The following EIF2AK3 variants were observed in gnomAD, a reference collection of about 807,000 sequenced individuals.
The protein encoded by EIF2AK3 is eukaryotic translation initiation factor 2 alpha kinase 3, also known as eukaryotic translation initiation factor 2-alpha kinase 3.
A neutral mutation model predicts 113.5 loss-of-function variants in EIF2AK3; 50 were observed. The observed-to-expected ratio is 0.44, with a 90% confidence interval of 0.35 to 0.56. EIF2AK3 has a LOEUF of 0.56. Among genes scored for constraint, EIF2AK3 ranks in the 20% least tolerant of loss-of-function variants. EIF2AK3 has a pLI of 0.00. For synonymous variants in EIF2AK3, 448 were observed against 495.4 expected (o/e 0.90, Z 1.27); for missense variants, 1,185 against 1,378.0 (o/e 0.86, Z 2.22).
chr2:88,610,593 T>C lies in EIF2AK3; in HGVS notation c.438+3131A>G, dbSNP rs1232370736. ...GCAATATATTTAAGGCAGACGCGGA[T>C]ACAACTGTTTTCTATTAAACCAAAA... On this transcript the variant is annotated intron_variant, in intron 2 of 16. Coordinates refer to ENST00000303236, the MANE Select transcript of EIF2AK3 (RefSeq NM_004836.7). Among the ~76,000 whole-genome samples, 13 of 152,366 alleles carry C rather than the reference T, an allele frequency of 8.5e-5. No individual in the cohort carries two copies. In the South Asian group the frequency reaches 1.9e-3, roughly 22 times the overall value.
intron 7 of EIF2AK3, among the ~76,000 whole-genome samples, chr2:88,588,459 A>ATATAT (rs771957384): frequency 2.2e-4 from 33 of 152,310 alleles, no homozygotes; most frequent in Non-Finnish European, 3.7e-4. Flanking sequence ...CAGTCTTAAT[A>ATATAT]TAAGTATGTT....
chr2:88,587,204 C>CAAAAAAAAAAAAAA (rs780050125), intron 8 of EIF2AK3, among the ~76,000 whole-genome samples: 2 of 30,262 alleles, frequency 6.6e-5, no homozygotes, highest in African/African-American at 1.8e-4. Flanking sequence ...AACTCCATCT[C>CAAAAAAAAAAAAAA]AAAAAAAAAA....
intron 1 of EIF2AK3, among the ~76,000 whole-genome samples, chr2:88,621,419 T>C (rs2103982074): frequency 6.6e-6 from 1 of 152,368 alleles, no homozygotes; most frequent in South Asian, 2.1e-4. Context: ...GAACATTGTA[T>C]GGATTAAATA....
At chr2:88,568,665 G>C (rs1339838085) in intron 14 of EIF2AK3, among the ~76,000 whole-genome samples, 1 of 152,124 alleles carries the variant, frequency 6.6e-6, no homozygotes, top group Non-Finnish European at 1.5e-5. Flanking sequence ...TAAAACGACA[G>C]TATGTACCCC....
chr2:88,582,137 A>G (rs1558651309), intron 10 of EIF2AK3, among the ~76,000 whole-genome samples: 3 of 152,122 alleles, frequency 2.0e-5, no homozygotes, highest in Admixed American at 6.6e-5. Flanking sequence ...AAGGGAGAGG[A>G]ACACTTCCAC....
intron 1 of EIF2AK3, among the ~76,000 whole-genome samples, chr2:88,617,687 G>A (rs1675619119): frequency 6.6e-6 from 1 of 151,166 alleles, no homozygotes; most frequent in South Asian, 2.1e-4. Context: ...AACCCAGGAG[G>A]CAGAGGTTGC....
chr2:88,568,185 A>G (rs1163835703), intron 14 of EIF2AK3, among the ~76,000 whole-genome samples: 1 of 152,208 alleles, frequency 6.6e-6, no homozygotes, highest in African/African-American at 2.4e-5. Flanking sequence ...GGCAGTTCCT[A>G]TTACTGGTCT....
chr2:88,566,784 C>G (rs1410307793), intron 14 of EIF2AK3, among the ~76,000 whole-genome samples: 1 of 151,868 alleles, frequency 6.6e-6, no homozygotes, highest in Non-Finnish European at 1.5e-5. Flanking sequence ...CTCATCTCCA[C>G]AAAAAACAAA....
intron 2 of EIF2AK3, among the ~76,000 whole-genome samples, chr2:88,598,173 T>A (rs1380518117): frequency 6.6e-6 from 1 of 151,974 alleles, no homozygotes; most frequent in Non-Finnish European, 1.5e-5. Context: ...AGCAAACAGA[T>A]AAAATAAATA....
chr2:88,583,887 T>C (rs1162644112), intron 9 of EIF2AK3, among the ~76,000 whole-genome samples: 1 of 146,426 alleles, frequency 6.8e-6, no homozygotes, highest in African/African-American at 2.7e-5. Context: ...CAAAATAAGG[T>C]AGGGAAAAAA....
At position 88,575,373 on chromosome 2, in the gene EIF2AK3, C is replaced by A. The variant is rs1805165; in HGVS notation, c.2110G>T (p.Ala704Ser). Reference protein sequence around the residue: ...SVKIRRMDPFATKEHIEIIAP... With the variant: ...SVKIRRMDPFSTKEHIEIIAP... Reference sequence around the variant, plus strand: ...ATGATTTCAATATGTTCTTTTGTAGCGAAAGGATCCATTCTGCGTATTTTA... The same window carrying A: ...ATGATTTCAATATGTTCTTTTGTAGAGAAAGGATCCATTCTGCGTATTTTA... The change falls in exon 13 of 17, where the codon GCT (alanine) becomes TCT (serine). Residue 704 changes from alanine to serine, a missense_variant. Physicochemically the swap from Ala to Ser is moderately conservative, Grantham distance 99. Around this residue, in one of 3 missense-constraint regions of EIF2AK3, gnomAD observed 877 missense variants for 1,024.2 expected, o/e 0.86. Transcript: ENST00000303236. 0.72 allele frequency: 1,160,817 copies of A among 1,613,760 alleles called. 421,807 individuals are homozygous for A. The highest frequency in any genetic ancestry group is 0.95 in the African/African-American group (71,144 of 75,018).
intron 2 of EIF2AK3, among the ~76,000 whole-genome samples, chr2:88,611,646 T>C (rs978541408): frequency 5.3e-5 from 8 of 152,286 alleles, no homozygotes; most frequent in African/African-American, 1.7e-4. Context: ...TTGTTGTTGT[T>C]TGAGATGGGA....
At position 88,557,823 on chromosome 2, in the gene EIF2AK3, G is replaced by A; in HGVS notation, c.3264C>T (p.Leu1088=). The change falls in exon 17 of 17, where the codon CTC becomes CTT. Residue 1088 remains leucine, a synonymous_variant. Coordinates refer to ENST00000303236, the MANE Select transcript of EIF2AK3 (RefSeq NM_004836.7). ...EDLDFPGKTV[L]RQRSRSLSSS... ...AACTCAAGGAGCGAGACCTCTGTCTGAGCACTGTTTTTCCTGGAAAGTCCA... is the reference window on the plus strand; with the variant it reads ...AACTCAAGGAGCGAGACCTCTGTCTAAGCACTGTTTTTCCTGGAAAGTCCA... 1 of 1,614,126 alleles carries A rather than the reference G, an allele frequency of 6.2e-7. No individual in the cohort carries two copies. The highest frequency in any genetic ancestry group is 8.5e-7 in the Non-Finnish European group (1 of 1,180,004).
In EIF2AK3 at chr2:88,557,652, C is replaced by G. The variant is rs1232634452; in HGVS notation, c.*84G>C. 2 of 1,470,602 alleles carry G rather than the reference C, an allele frequency of 1.4e-6. No homozygotes were observed. Among genetic ancestry groups the G allele is most frequent in the Admixed American group, 3.4e-5 (2 of 59,616 alleles). 91.1% of individuals were successfully genotyped at this position (1,470,602 alleles called of 1,614,324 possible). A position where few individuals can be genotyped will look rare whatever the true frequency, so the allele number is the denominator to read the frequency against. On this transcript the variant is annotated 3_prime_UTR_variant, in exon 17 of 17. Transcript: ENST00000303236. Reference sequence around the variant, plus strand: ...AAAATTGAGCGAAGAACAAACTTTTCAAGTCTGCAATTTTGGACAGGCATA... The same window carrying G: ...AAAATTGAGCGAAGAACAAACTTTTGAAGTCTGCAATTTTGGACAGGCATA...
intron 10 of EIF2AK3, 102 bp from the exon 11 acceptor site, chr2:88,579,742 C>G: frequency 9.5e-7 from 1 of 1,052,368 alleles, no homozygotes; most frequent in Non-Finnish European, 1.4e-6. Context: ...TGTATAAACT[C>G]ATAGAACTCA....
At chr2:88,606,355 T>G (rs2104458763) in intron 2 of EIF2AK3, among the ~76,000 whole-genome samples, 1 of 152,016 alleles carries the variant, frequency 6.6e-6, no homozygotes, top group Admixed American at 6.6e-5. Context: ...TCTCCTTTGG[T>G]GACATGCAAT....
At chr2:88,595,730 A>C (rs550079541) in intron 2 of EIF2AK3, 67 bp from the exon 3 acceptor site, 1 of 1,397,830 alleles carries the variant, frequency 7.2e-7, no homozygotes. Context: ...TATTTCTCCC[A>C]GAAAAATAGA....
At chr2:88,566,308 A>G (rs1674123831) in intron 14 of EIF2AK3, among the ~76,000 whole-genome samples, 2 of 151,934 alleles carry the variant, frequency 1.3e-5, no homozygotes, top group South Asian at 4.1e-4. Flanking sequence ...TTCATTTTTA[A>G]AAAAAGTTTT....
intron 1 of EIF2AK3, among the ~76,000 whole-genome samples, chr2:88,621,164 C>T (rs985093518): frequency 1.3e-5 from 2 of 152,136 alleles, no homozygotes; most frequent in African/African-American, 2.4e-5. Flanking sequence ...TCATAGATGT[C>T]GTTCATCCTG....
Sources: gnomAD v4.1 joint callset for allele counts (sites outside exome capture counted in the v4.1 genomes callset) on GRCh38, gnomAD v4.1.1 for gene constraint, gnomAD v4.1.1 regional missense constraint, MANE v1.5 for transcripts, NCBI Gene and HGNC (gene_info 2026-07-23, HGNC 2026-07-21) for gene names.